The following AARS1 variants were observed in gnomAD, a reference collection of about 807,000 sequenced individuals.
AARS1 encodes alanyl-tRNA synthetase 1.
A neutral mutation model predicts 108.9 loss-of-function variants in AARS1; 72 were observed. The observed-to-expected ratio is 0.66, with a 90% CI of 0.55 to 0.80. The LOEUF (loss-of-function observed/expected upper bound fraction) is 0.80. Among genes scored for constraint, AARS1 ranks in the 30% least tolerant of loss-of-function variants. The pLI is 0.00. For missense variants in AARS1, 1,193 were observed against 1,233.2 expected (o/e 0.97, Z 0.49); for synonymous variants, 489 against 465.7 (o/e 1.05, Z -0.64).
rs567840201 is a variant in AARS1 at position 70,252,469 on chromosome 16, G to A, written c.*252C>T. On this transcript the variant is annotated 3_prime_UTR_variant, in exon 21 of 21. Transcript: ENST00000261772. The stretch of plus-strand genomic sequence containing the variant: ...GCGGAAAGCTCAGGTCTGGAGAGCC[G>A]TTATCTATAGATGCGAGCGTGACGA... 6 of 555,402 alleles carry A rather than the reference G, an allele frequency of 1.1e-5. 1 individual carries two copies. The highest frequency in any genetic ancestry group is 1.0e-4 in the South Asian group (5 of 48,558). 34.4% of individuals were successfully genotyped at this position (555,402 alleles called of 1,614,324 possible).
At chr16:70,284,668 A>C (rs1960797885) in intron 1 of AARS1, among the ~76,000 whole-genome samples, 1 of 152,134 alleles carries the variant, frequency 6.6e-6, no homozygotes, top group Non-Finnish European at 1.5e-5. Context: ...GGCTGGGGAG[A>C]AGTGACAGGC....
At chr16:70,288,435 C>T (rs942378225) in intron 1 of AARS1, among the ~76,000 whole-genome samples, 1 of 151,568 alleles carries the variant, frequency 6.6e-6, no homozygotes, top group East Asian at 2.0e-4. Flanking sequence ...TAAGGCTCCC[C>T]CTCTTTTACT....
In AARS1 at chr16:70,265,510, T is replaced by A. The variant is rs1181988818; in HGVS notation, c.1347+28A>T. The A allele has an allele frequency of 2.5e-6, 4 of 1,613,326 alleles. No individual in the cohort carries two copies. In the South Asian group the frequency reaches 4.4e-5, roughly 18 times the overall value. ...TGGTGCTGGGTTGGAAGGTGTTGGGTTTCCTGTTCACTCTCCAAGTTCTTT... is the reference window on the plus strand; with the variant it reads ...TGGTGCTGGGTTGGAAGGTGTTGGGATTCCTGTTCACTCTCCAAGTTCTTT... On this transcript the variant is annotated intron_variant, in intron 10 of 20. Transcript: ENST00000261772.
chr16:70,262,427 G>A lies in AARS1; in HGVS notation c.1590C>T (p.Asp530=), dbSNP rs1356370135. Residue 530 remains aspartate (D), a synonymous_variant, in exon 12 of 21, where the codon GAC becomes GAT. Transcript: ENST00000261772. ...STGQECGVVL[D]KTCFYAEQGG... is the part of the protein sequence containing the mutation. ...CTTGCTCAGCATAGAAACAGGTCTTGTCCAGCACCACTCCACACTCCTGGC... is the reference window on the plus strand; with the variant it reads ...CTTGCTCAGCATAGAAACAGGTCTTATCCAGCACCACTCCACACTCCTGGC... 1.9e-6 allele frequency: 3 copies of A among 1,614,186 alleles called. No homozygotes were observed. The highest frequency in any genetic ancestry group is 1.1e-5 in the South Asian group (1 of 91,088).
Position 70,261,223 on chromosome 16 carries a change from T to C in AARS1, c.1672-66A>G, listed in dbSNP as rs1014482856. 3.3e-6 allele frequency: 4 copies of C among 1,223,404 alleles called. No homozygotes were observed. In the Admixed American group the frequency reaches 7.1e-5, roughly 22 times the overall value. The allele number at this position is 1,223,404 out of a possible 1,614,324, so 75.8% of individuals were successfully genotyped here. On this transcript the variant is annotated intron_variant, in intron 12 of 20. Coordinates refer to ENST00000261772, the MANE Select transcript of AARS1 (RefSeq NM_001605.3). Reference sequence around the variant, plus strand: ...AAAACATACAAATTTTCTTATATTTTCAATATAAACTCGTGTATATAACTT... The same window carrying C: ...AAAACATACAAATTTTCTTATATTTCCAATATAAACTCGTGTATATAACTT...
At position 70,289,454 on chromosome 16, in the gene AARS1, C is replaced by A; in HGVS notation, c.-55G>T. 1 of 416,882 alleles carries A rather than the reference C, an allele frequency of 2.4e-6. No individual in the cohort carries two copies. The highest frequency in any genetic ancestry group is 4.8e-6 in the Non-Finnish European group (1 of 206,748). The allele number at this position is 416,882 out of a possible 1,614,324, so 25.8% of individuals were successfully genotyped here. A position where few individuals can be genotyped will look rare whatever the true frequency, so the allele number is the denominator to read the frequency against. ...GGGTCGCCGTCCCCAGCTCCTCCCTCAGAGTCCCCCGCCAAGGGCCCGCTG... is the reference window on the plus strand; with the variant it reads ...GGGTCGCCGTCCCCAGCTCCTCCCTAAGAGTCCCCCGCCAAGGGCCCGCTG... On this transcript the variant is annotated 5_prime_UTR_variant, in exon 1 of 21. Transcript: ENST00000261772.
At chr16:70,254,256 C>G in intron 17 of AARS1, 2 of 642,490 alleles carry the variant, frequency 3.1e-6, no homozygotes, top group Non-Finnish European at 5.4e-6. Context: ...CAAATCAGGC[C>G]CGGTCCTTAC....
At chr16:70,287,406 T>A (rs796324912) in intron 1 of AARS1, among the ~76,000 whole-genome samples, 17 of 148,208 alleles carry the variant, frequency 1.1e-4, no homozygotes. Flanking sequence ...CCAGCCTGGG[T>A]GACAAAGCGA....
In AARS1 at chr16:70,281,173, A is replaced by G. The variant is rs190712986; in HGVS notation, c.144+1447T>C. On this transcript the variant is annotated intron_variant, in intron 2 of 20. Coordinates refer to ENST00000261772, the MANE Select transcript of AARS1 (RefSeq NM_001605.3). ...CAACTTCCCCAAATAAACCGTACTA[A>G]CTAATAAATTTTCTTCAGCAATGGA... Among the ~76,000 whole-genome samples, 46 of 152,078 alleles carry G rather than the reference A, an allele frequency of 3.0e-4. 1 individual carries two copies. The highest frequency in any genetic ancestry group is 2.2e-4 in the Non-Finnish European group (15 of 68,018).
intron 4 of AARS1, among the ~76,000 whole-genome samples, chr16:70,274,422 C>T (rs1021172574): frequency 1.3e-5 from 2 of 151,452 alleles, no homozygotes; most frequent in African/African-American, 4.9e-5. Flanking sequence ...AAGAATACAA[C>T]TCTGTTGAAA....
intron 8 of AARS1, 125 bp from the exon 9 acceptor site, chr16:70,267,934 G>T (rs1483361809): frequency 3.0e-6 from 4 of 1,343,604 alleles, no homozygotes; most frequent in Non-Finnish European, 4.2e-6. Context: ...TTGGGAAGCC[G>T]AGGCAGGTGG....
At chr16:70,275,261 AAAAC>A (rs1555542173) in intron 4 of AARS1, among the ~76,000 whole-genome samples, 2 of 152,092 alleles carry the variant, frequency 1.3e-5, no homozygotes, top group African/African-American at 2.4e-5. Flanking sequence ...CTCTGTCTCA[AAAAC>A]AAACAAACAA....
At chr16:70,262,996 A>ACC (rs1555540562) in intron 11 of AARS1, among the ~76,000 whole-genome samples, 6,148 of 129,180 alleles carry the variant, frequency 0.048, 918 homozygotes, top group African/African-American at 0.2. Context: ...AAAAAAAAAA[A>ACC]AACAACAACA....
chr16:70,280,027 G>T (rs72790624), intron 2 of AARS1, among the ~76,000 whole-genome samples: 1 of 152,154 alleles, frequency 6.6e-6, no homozygotes, highest in Non-Finnish European at 1.5e-5. Flanking sequence ...GGAACTACAG[G>T]TGTGAGCCAC....
At chr16:70,260,323 G>A (rs556873116) in intron 13 of AARS1, among the ~76,000 whole-genome samples, 2 of 152,296 alleles carry the variant, frequency 1.3e-5, no homozygotes, top group South Asian at 4.1e-4. Context: ...GACAGGTGAG[G>A]AGAAACCAGG....
rs1188113639 is a variant in AARS1 at position 70,261,176 on chromosome 16, G to A, written c.1672-19C>T. The A allele has an allele frequency of 6.4e-7, 1 of 1,556,932 alleles. No individual in the cohort carries two copies. Among genetic ancestry groups the A allele is most frequent in the Non-Finnish European group, 8.9e-7 (1 of 1,128,474 alleles). ...CTGTTTTCTAAGAGGGGTCAAGGAA[G>A]AGACCAATAAATAAATCCTTAAAAA... On this transcript the variant is annotated intron_variant, in intron 12 of 20. Transcript: ENST00000261772.
At chr16:70,289,320 G>A (rs910309842) in intron 1 of AARS1, 101 bp downstream of exon 1, 6 of 348,732 alleles carry the variant, frequency 1.7e-5, no homozygotes, top group Non-Finnish European at 2.8e-5. Context: ...CAGGCCACGC[G>A]GGGCCTGATC....
In AARS1 at chr16:70,267,865, C is replaced by T. The variant is rs988580722; in HGVS notation, c.1072-56G>A. 25 of 1,612,600 alleles carry T rather than the reference C, an allele frequency of 1.6e-5. No homozygotes were observed. In the African/African-American group the frequency reaches 3.1e-4, roughly 20 times the overall value. On this transcript the variant is annotated intron_variant, in intron 8 of 20. Transcript: ENST00000261772. ...GATGAAGCCAGAGACTGTTCCCTGCCCCGTCTTAAAAAAGCTCCTTAGCTG... is the reference window on the plus strand; with the variant it reads ...GATGAAGCCAGAGACTGTTCCCTGCTCCGTCTTAAAAAAGCTCCTTAGCTG...
intron 13 of AARS1, among the ~76,000 whole-genome samples, chr16:70,260,773 C>T (rs1348199967): frequency 6.6e-6 from 1 of 152,130 alleles, no homozygotes; most frequent in Admixed American, 6.6e-5. Context: ...CGCCATTCTC[C>T]TGCCTCAGCC....
Sources: allele counts gnomAD v4.1 joint callset (sites outside exome capture counted in the v4.1 genomes callset), GRCh38; gene constraint gnomAD v4.1.1; transcripts MANE v1.5; gene names NCBI Gene and HGNC (gene_info 2026-07-23, HGNC 2026-07-21).